The following SLC9C1 variants were observed in gnomAD, a reference collection of about 807,000 sequenced individuals.
The protein encoded by SLC9C1 is solute carrier family 9 member C1.
Under a neutral mutation model 140.9 loss-of-function variants are expected in SLC9C1, and 97 were observed. That is an observed-to-expected ratio of 0.69 (90% CI 0.58 to 0.82). The LOEUF (loss-of-function observed/expected upper bound fraction) is 0.82, where lower values mean the gene tolerates loss of function less well. Among genes scored for constraint, SLC9C1 ranks in the 40% least tolerant of loss-of-function variants. The probability of loss-of-function intolerance (pLI) is 0.00; values close to 1 mark genes in which losing one functional copy is unlikely to be tolerated. For missense variants in SLC9C1, 1,340 were observed against 1,389.3 expected (o/e 0.96, Z 0.56); for synonymous variants, 440 against 442.6 (o/e 0.99, Z 0.07).
At chr3:112,212,458 A>G (rs1470736361) in intron 15 of SLC9C1, among the ~76,000 whole-genome samples, 1 of 152,228 alleles carries the variant, frequency 6.6e-6, no homozygotes, top group Non-Finnish European at 1.5e-5. Flanking sequence ...TAAACCTTGA[A>G]AAAAGATTAG....
chr3:112,147,191 T>C (rs2074825912), intron 28 of SLC9C1, among the ~76,000 whole-genome samples: 1 of 152,226 alleles, frequency 6.6e-6, no homozygotes, highest in Non-Finnish European at 1.5e-5. Flanking sequence ...TTGGTGTCAT[T>C]ATGTGTGAGA....
At chr3:112,185,490 C>G in intron 20 of SLC9C1, 1 of 1,611,074 alleles carries the variant, frequency 6.2e-7, no homozygotes, top group African/African-American at 1.3e-5. Context: ...TTACACCTGG[C>G]TGATGATCTC....
In SLC9C1 at chr3:112,155,065, A is replaced by AC. The variant is rs761849563; in HGVS notation, c.3365-17_3365-16insG. The AC allele has an allele frequency of 5.6e-6, 9 of 1,597,478 alleles. No individual in the cohort carries two copies. Among genetic ancestry groups the AC allele is most frequent in the Admixed American group, 3.5e-5 (2 of 57,350 alleles). ...CCAACTGAACCTGATTAAAAAAAAA[A>AC]AAAACAGTGTTAATTCAACCACTGA... On this transcript the variant is annotated splice_polypyrimidine_tract_variant and intron_variant, in intron 26 of 28. Transcript: ENST00000305815.
chr3:112,190,371 G>A (rs1045362594), intron 20 of SLC9C1, among the ~76,000 whole-genome samples: 1 of 152,084 alleles, frequency 6.6e-6, no homozygotes, highest in Non-Finnish European at 1.5e-5. Context: ...GGCTGTGGGT[G>A]TGTCATAAAT....
chr3:112,238,692 G>A (rs996415522), intron 12 of SLC9C1, among the ~76,000 whole-genome samples: 1 of 152,220 alleles, frequency 6.6e-6, no homozygotes, highest in South Asian at 2.1e-4. Flanking sequence ...ACCCTCAGCT[G>A]CAAGTCTGCT....
At chr3:112,233,073 T>TATATATATATATA (rs60790024) in intron 12 of SLC9C1, among the ~76,000 whole-genome samples, 1 of 136,374 alleles carries the variant, frequency 7.3e-6, no homozygotes, top group East Asian at 2.1e-4. Flanking sequence ...ATATATTATA[T>TATATATATATATA]TTTTTTTTTT....
chr3:112,286,592 A>T (rs2080514168), intron 2 of SLC9C1, 112 bp downstream of exon 2: 1 of 867,494 alleles, frequency 1.2e-6, no homozygotes, highest in Non-Finnish European at 1.7e-6. Flanking sequence ...TAAAGGTATA[A>T]GTTTGAGAAC....
At chr3:112,265,440 T>C (rs561915443) in intron 8 of SLC9C1, among the ~76,000 whole-genome samples, 1 of 152,262 alleles carries the variant, frequency 6.6e-6, no homozygotes, top group South Asian at 2.1e-4. Flanking sequence ...TGGAATTTTA[T>C]TGAAGTGCTC....
At position 112,169,313 on chromosome 3, in the gene SLC9C1, T is replaced by G. The variant is rs774960236; in HGVS notation, c.2935A>C (p.Lys979Gln). The change falls in exon 24 of 29, where the codon AAA (lysine) becomes CAA (glutamine). Residue 979 changes from lysine to glutamine, a missense_variant. Coordinates refer to ENST00000305815, the MANE Select transcript of SLC9C1 (RefSeq NM_183061.3). ...KTVVETCFIP[K>Q]THLYDAFEQC... ...TCAAAAGCATCATACAAGTGAGTTT[T>G]GGGAATAAAACATGTCTGGAAAAGA... 1.2e-6 allele frequency: 2 copies of G among 1,609,304 alleles called. No individual in the cohort carries two copies. Among genetic ancestry groups the G allele is most frequent in the Non-Finnish European group, 8.5e-7 (1 of 1,178,496 alleles).
chr3:112,268,437 A>G (rs62277010), intron 7 of SLC9C1, among the ~76,000 whole-genome samples: 30,426 of 152,056 alleles, frequency 0.2, 3,394 homozygotes, highest in Middle Eastern at 0.26. Flanking sequence ...TATATTTCTT[A>G]ATAACTTTTA....
intron 10 of SLC9C1, among the ~76,000 whole-genome samples, chr3:112,249,282 C>T (rs2079381044): frequency 6.6e-6 from 1 of 151,394 alleles, no homozygotes; most frequent in Non-Finnish European, 1.5e-5. Context: ...ATCTACCTGG[C>T]ATCCAAAGGA....
chr3:112,180,906 C>T (rs752211619), intron 21 of SLC9C1, among the ~76,000 whole-genome samples: 5 of 152,074 alleles, frequency 3.3e-5, no homozygotes, highest in South Asian at 4.2e-4. Flanking sequence ...CAGGTGCCCA[C>T]GACCATGCCC....
chr3:112,211,950 A>AC (rs1386057665), intron 15 of SLC9C1, among the ~76,000 whole-genome samples: 1 of 152,068 alleles, frequency 6.6e-6, no homozygotes, highest in African/African-American at 2.4e-5. Flanking sequence ...ATTGGGAGGC[A>AC]CCCCCCAGTA....
chr3:112,253,997 C>T (rs553810624), intron 10 of SLC9C1, among the ~76,000 whole-genome samples: 1 of 152,184 alleles, frequency 6.6e-6, no homozygotes, highest in South Asian at 2.1e-4. Flanking sequence ...AATCTTGGAA[C>T]TTGAAGGCTT....
intron 23 of SLC9C1, among the ~76,000 whole-genome samples, chr3:112,177,170 C>T (rs922923026): frequency 1.3e-5 from 2 of 151,988 alleles, no homozygotes; most frequent in African/African-American, 4.8e-5. Flanking sequence ...CTGTGCCCAG[C>T]TAATTTTTGT....
chr3:112,170,945 G>A (rs1175388442), intron 23 of SLC9C1, among the ~76,000 whole-genome samples: 1 of 152,224 alleles, frequency 6.6e-6, no homozygotes, highest in Non-Finnish European at 1.5e-5. Context: ...TGGGCGTGGT[G>A]GCTCATGCCT....
At chr3:112,194,829 C>A (rs944242564) in intron 20 of SLC9C1, among the ~76,000 whole-genome samples, 1 of 151,604 alleles carries the variant, frequency 6.6e-6, no homozygotes, top group Non-Finnish European at 1.5e-5. Context: ...GGTAGCTATC[C>A]TAATGGATGT....
At chr3:112,171,808 G>A (rs1399948830) in intron 23 of SLC9C1, among the ~76,000 whole-genome samples, 4 of 152,092 alleles carry the variant, frequency 2.6e-5, no homozygotes, top group Admixed American at 6.5e-5. Flanking sequence ...TGGGGATCAA[G>A]GTTCATTGCT....
At position 112,208,326 on chromosome 3, in the gene SLC9C1, A is replaced by G; in HGVS notation, c.1838T>C (p.Phe613Ser). ...TATCACAAGGTATCCAACATGTTCA[A>G]ATTCCTCAGTAAATACTATTGTATG... ...ICHTIVFTEE[F>S]EHVGYLVILM... Residue 613 changes from phenylalanine (F) to serine (S), a missense_variant, in exon 16 of 29, where the codon TTT (phenylalanine) becomes TCT (serine). Phe to Ser is a radical substitution (Grantham distance 155). Coordinates refer to ENST00000305815, the MANE Select transcript of SLC9C1 (RefSeq NM_183061.3). 1 of 1,605,710 alleles carries G rather than the reference A, an allele frequency of 6.2e-7. No individual in the cohort carries two copies. The highest frequency in any genetic ancestry group is 1.3e-5 in the African/African-American group (1 of 74,660).
Sources: gnomAD v4.1 joint callset for allele counts (sites outside exome capture counted in the v4.1 genomes callset) on GRCh38, gnomAD v4.1.1 for gene constraint, MANE v1.5 for transcripts, NCBI Gene and HGNC (gene_info 2026-07-23, HGNC 2026-07-21) for gene names.